Variants in SEMA4D observed in about 807,000 individuals in gnomAD.
SEMA4D encodes the protein semaphorin 4D, also known as semaphorin-4D.
A neutral mutation model predicts 74.8 loss-of-function variants in SEMA4D; 22 were observed. The observed-to-expected ratio is 0.29, with a 90% CI of 0.21 to 0.42. The LOEUF is 0.42. Among genes scored for constraint, SEMA4D ranks in the 10% least tolerant of loss-of-function variants. SEMA4D has a pLI of 1.00. For synonymous variants in SEMA4D, 445 were observed against 463.7 expected, an observed-to-expected ratio of 0.96 and a Z score of 0.52; for missense variants, 937 against 1,118.4, an observed-to-expected ratio of 0.84 and a Z score of 2.31.
chr9:89,445,855 G>GT (rs2135264692), intron 2 of SEMA4D, among the ~76,000 whole-genome samples: 1 of 152,242 alleles, frequency 6.6e-6, no homozygotes, highest in Admixed American at 6.5e-5. Context: ...CCTCAGGCGG[G>GT]TTCCCTACCC....
At chr9:89,485,504 C>T (rs914469024) in intron 1 of SEMA4D, among the ~76,000 whole-genome samples, 2 of 152,074 alleles carry the variant, frequency 1.3e-5, no homozygotes, top group Non-Finnish European at 2.9e-5. Context: ...AAAACATTAA[C>T]CGGGCTGGGC....
exon 19 of SEMA4D, chr9:89,362,276 C>T (rs1013679000): frequency 6.5e-7 from 1 of 1,548,708 alleles, no homozygotes; most frequent in South Asian, 1.1e-5. Context: ...TGGCTGTGTT[C>T]AGAGCAGGCT....
intron 2 of SEMA4D, chr9:89,450,660 GAAAA>G (rs71358578): frequency 0.021 from 8,976 of 428,634 alleles, 366 homozygotes; most frequent in African/African-American, 0.077. Flanking sequence ...AAAAACCCAG[GAAAA>G]AAAAAAAAAA....
At chr9:89,432,462 G>A (rs576759797) in intron 2 of SEMA4D, among the ~76,000 whole-genome samples, 264 of 152,282 alleles carry the variant, frequency 1.7e-3, no homozygotes, top group African/African-American at 6.0e-3. Context: ...GCACTCTGTC[G>A]TAAGGGCAGC....
At chr9:89,461,700 C>CTTTTTTTTTTTTTTTTTTTTTTTTTTTT (rs61696689) in intron 1 of SEMA4D, among the ~76,000 whole-genome samples, 2 of 103,646 alleles carry the variant, frequency 1.9e-5, no homozygotes, top group Admixed American at 1.1e-4. Flanking sequence ...TCTTTTTTCT[C>CTTTTTTTTTTTTTTTTTTTTTTTTTTTT]TTTTTTTTTT....
intron 1 of SEMA4D, among the ~76,000 whole-genome samples, chr9:89,456,454 T>C (rs1855952580): frequency 6.6e-6 from 1 of 152,168 alleles, no homozygotes. Context: ...AGTGCTAGCA[T>C]TCAATATTCC....
At chr9:89,371,060 A>G (rs1223434352) in intron 16 of SEMA4D, among the ~76,000 whole-genome samples, 1 of 58,394 alleles carries the variant, frequency 1.7e-5, no homozygotes, top group African/African-American at 6.8e-5. Flanking sequence ...GGGTATGTGT[A>G]TGTCTGGGGT....
chr9:89,459,348 A>G (rs1450598634), intron 1 of SEMA4D, among the ~76,000 whole-genome samples: 6 of 152,332 alleles, frequency 3.9e-5, no homozygotes, highest in South Asian at 2.1e-4. Flanking sequence ...TAAGGGAGTC[A>G]GGGTTTGGAT....
At chr9:89,392,331 C>G in intron 8 of SEMA4D, 92 bp downstream of exon 8, 1 of 1,051,298 alleles carries the variant, frequency 9.5e-7, no homozygotes, top group Non-Finnish European at 1.4e-6. Flanking sequence ...CTCGGGGGCC[C>G]CCAGGGCTCA....
At chr9:89,428,733 G>A (rs572778102) in intron 2 of SEMA4D, among the ~76,000 whole-genome samples, 2 of 152,350 alleles carry the variant, frequency 1.3e-5, no homozygotes, top group South Asian at 2.1e-4. Context: ...TGGTGCACAC[G>A]GCCAACCCAC....
intron 1 of SEMA4D, among the ~76,000 whole-genome samples, chr9:89,467,628 T>G (rs1859102880): frequency 6.6e-6 from 1 of 150,598 alleles, no homozygotes. Flanking sequence ...GCCTCTCAGG[T>G]TCAAGAGATT....
intron 1 of SEMA4D, among the ~76,000 whole-genome samples, chr9:89,487,554 A>C (rs1215937272): frequency 6.6e-6 from 1 of 152,186 alleles, no homozygotes; most frequent in African/African-American, 2.4e-5. Context: ...AAGAAAAAGG[A>C]GTAAAAGGCA....
downstream of SEMA4D, among the ~76,000 whole-genome samples, chr9:89,376,144 A>C (rs976612013): frequency 6.6e-6 from 1 of 152,216 alleles, no homozygotes; most frequent in African/African-American, 2.4e-5. Context: ...TTTAAATACC[A>C]CGAAGCAAGT....
chr9:89,446,251 G>C lies in SEMA4D; in HGVS notation c.-244+9637C>G, dbSNP rs532336651. ...TCTGCTGCCTCTGAGAAGAACACTT[G>C]TGAGTGCATTTGGGGCCCACCAGAT... On this transcript the variant is annotated intron_variant, in intron 2 of 15. Coordinates refer to ENST00000422704, the MANE Select transcript of SEMA4D (RefSeq NM_001371194.2). Among the ~76,000 whole-genome samples the C allele has an allele frequency of 1.5e-3, 228 of 152,288 alleles. 1 individual carries two copies. The highest frequency in any genetic ancestry group is 5.2e-3 in the African/African-American group (217 of 41,548).
chr9:89,443,876 C>T (rs1391694804), intron 2 of SEMA4D, among the ~76,000 whole-genome samples: 4 of 152,226 alleles, frequency 2.6e-5, no homozygotes, highest in Non-Finnish European at 5.9e-5. Flanking sequence ...GAGGTGCCAG[C>T]TGCCAGAGGT....
chr9:89,382,264 C>T (rs895084664), intron 13 of SEMA4D, among the ~76,000 whole-genome samples: 3 of 152,222 alleles, frequency 2.0e-5, no homozygotes, highest in Non-Finnish European at 4.4e-5. Flanking sequence ...GCCCGTGGAG[C>T]GCGCTCTCTA....
chr9:89,363,100 G>T (rs1367437678), intron 18 of SEMA4D, among the ~76,000 whole-genome samples: 4 of 152,182 alleles, frequency 2.6e-5, no homozygotes, highest in African/African-American at 7.2e-5. Flanking sequence ...TCAAAGGAGT[G>T]GCTGGCTGAG....
At position 89,379,099 on chromosome 9, in the gene SEMA4D, C is replaced by T. The variant is rs1174272632; in HGVS notation, c.2194G>A (p.Asp732Asn). ...AAGAGGGACATGAGGAGGCGGTTGTCGCTGGACTTAAGATACATGGTTTTC... is the reference window on the plus strand; with the variant it reads ...AAGAGGGACATGAGGAGGCGGTTGTTGCTGGACTTAAGATACATGGTTTTC... ...SEKTMYLKSS[D>N]NRLLMSLFLF... Residue 732 changes from aspartate to asparagine, a missense_variant, in exon 16 of 16, where the codon GAC becomes AAC. Physicochemically the swap from Asp to Asn is conservative, Grantham distance 23. Transcript: ENST00000422704. The T allele has an allele frequency of 5.6e-6, 9 of 1,614,060 alleles. No homozygotes were observed. Among genetic ancestry groups the T allele is most frequent in the East Asian group, 2.2e-5 (1 of 44,874 alleles).
At chr9:89,417,003 A>C (rs1048937055) in intron 2 of SEMA4D, among the ~76,000 whole-genome samples, 1 of 152,186 alleles carries the variant, frequency 6.6e-6, no homozygotes, top group African/African-American at 2.4e-5. Context: ...TGTGACAGCA[A>C]AGTAAAAAAT....
Sources: allele counts gnomAD v4.1 joint callset (sites outside exome capture counted in the v4.1 genomes callset), GRCh38; gene constraint gnomAD v4.1.1; transcripts MANE v1.5; gene names NCBI Gene and HGNC (gene_info 2026-07-23, HGNC 2026-07-21).